CYB5RL: variants seen among roughly 807,000 people sequenced by gnomAD.
CYB5RL encodes cytochrome b5 reductase like, also known as NADH-cytochrome b5 reductase-like.
A neutral mutation model predicts 37.5 loss-of-function variants in CYB5RL; 38 were observed. The observed-to-expected ratio is 1.01, with a 90% confidence interval of 0.78 to 1.33. The LOEUF is 1.33. CYB5RL is among the 40% of genes most tolerant of loss of function. The pLI, the probability that CYB5RL is intolerant of heterozygous loss-of-function variation, is 0.00. For synonymous variants in CYB5RL, 141 were observed against 151.9 expected (o/e 0.93, Z 0.53); for missense variants, 388 against 394.4 (o/e 0.98, Z 0.14).
Position 54,173,542 on chromosome 1 carries a change from TCA to T in CYB5RL, c.*1075_*1076del, listed in dbSNP as rs554835202. Reference sequence around the variant, plus strand: ...GTTTCCCGTGTATACGATAAGTCTGTCACACTGTATGTTTCTTAGAGTCCTGA... The same window carrying T: ...GTTTCCCGTGTATACGATAAGTCTGTCACTGTATGTTTCTTAGAGTCCTGA... On this transcript the variant is annotated 3_prime_UTR_variant, in exon 8 of 8. Coordinates refer to ENST00000534324, the MANE Select transcript of CYB5RL (RefSeq NM_001031672.4). 132 of 152,386 alleles carry T rather than the reference TCA, an allele frequency of 8.7e-4. 2 individuals are homozygous for T. Among genetic ancestry groups the T allele is most frequent in the African/African-American group, 3.1e-3 (131 of 41,588 alleles). The allele number at this position is 152,386 out of a possible 1,614,324, so 9.4% of individuals were successfully genotyped here. A position where few individuals can be genotyped will look rare whatever the true frequency, so the allele number is the denominator to read the frequency against.
intron 1 of CYB5RL, 60 bp downstream of exon 1, chr1:54,199,916 C>T: frequency 3.0e-6 from 1 of 335,364 alleles, no homozygotes; most frequent in South Asian, 6.2e-5. Context: ...AAGCAGTCAA[C>T]CTTGTCTAAG....
chr1:54,195,567 T>C lies in CYB5RL; in HGVS notation c.50A>G (p.Gln17Arg), dbSNP rs1644000193. 6 of 1,613,550 alleles carry C rather than the reference T, an allele frequency of 3.7e-6. No individual in the cohort carries two copies. Among genetic ancestry groups the C allele is most frequent in the Non-Finnish European group, 1.7e-6 (2 of 1,179,656 alleles). The change falls in exon 3 of 8, where the codon CAG (glutamine) becomes CGG (arginine). Residue 17 changes from glutamine to arginine, a missense_variant. By Grantham distance (43) the Gln-to-Arg change is conservative. Coordinates refer to ENST00000534324, the MANE Select transcript of CYB5RL (RefSeq NM_001031672.4). ...EDDDTEEAWMQLRPTEPLPSQ... is the reference protein window; with the variant it reads ...EDDDTEEAWMRLRPTEPLPSQ... The stretch of plus-strand genomic sequence containing the variant: ...AGGCAAGGGTTCTGTGGGCCGTAGC[T>C]GCATCCAGGCTTCCTCAGTGTCGTC...
rs938912748 is a variant in CYB5RL at position 54,179,144 on chromosome 1, C to A, written c.744+5G>T. 1.2e-6 allele frequency: 2 copies of A among 1,610,858 alleles called. No individual in the cohort carries two copies. Among genetic ancestry groups the A allele is most frequent in the African/African-American group, 2.7e-5 (2 of 74,890 alleles). On this transcript the variant is annotated splice_donor_5th_base_variant and intron_variant, in intron 7 of 7. Coordinates refer to ENST00000534324, the MANE Select transcript of CYB5RL (RefSeq NM_001031672.4). ...CAAAAAAGAAAGTCACCACCCTGGGCTCACCTGGCTGAGTACAAAGAAGGT... is the reference window on the plus strand; with the variant it reads ...CAAAAAAGAAAGTCACCACCCTGGGATCACCTGGCTGAGTACAAAGAAGGT...
At chr1:54,193,638 C>A (rs920513294) in intron 3 of CYB5RL, among the ~76,000 whole-genome samples, 5 of 152,046 alleles carry the variant, frequency 3.3e-5, no homozygotes, top group African/African-American at 1.2e-4. Context: ...AGTTTGAGCC[C>A]AGCCTGGGCA....
rs976253788 is a variant in CYB5RL at position 54,190,756 on chromosome 1, G to A, written c.339C>T (p.Leu113=). 6 of 1,553,304 alleles carry A rather than the reference G, an allele frequency of 3.9e-6. No homozygotes were observed. The African/African-American group carries it at 8.2e-5, about 21-fold the overall frequency. Residue 113 remains leucine, a synonymous_variant, in exon 4 of 8, where the codon CTC becomes CTT. Coordinates refer to ENST00000534324, the MANE Select transcript of CYB5RL (RefSeq NM_001031672.4). ...CCGCTACCTGAGTGTACCGTAGGAT[G>A]AGGTGCTGGCCGGGCCGCAGGCCAA... ...SQLGLRPGQH[L]ILRGIVDDLE... is the part of the protein sequence containing the mutation.
At chr1:54,186,917 A>G (rs1643905507) in intron 5 of CYB5RL, among the ~76,000 whole-genome samples, 1 of 152,126 alleles carries the variant, frequency 6.6e-6, no homozygotes, top group African/African-American at 2.4e-5. Flanking sequence ...GTCATGTCTT[A>G]TAACATAGAT....
intron 6 of CYB5RL, among the ~76,000 whole-genome samples, chr1:54,183,331 A>G (rs1344357795): frequency 6.6e-6 from 1 of 152,230 alleles, no homozygotes; most frequent in African/African-American, 2.4e-5. Context: ...GATTCATTCT[A>G]TAGGACGGAC....
intron 6 of CYB5RL, 62 bp downstream of exon 6, chr1:54,184,099 G>A (rs1382800514): frequency 6.9e-7 from 1 of 1,451,704 alleles, no homozygotes; most frequent in Non-Finnish European, 9.5e-7. Context: ...GATGCTATGG[G>A]CCGAAACATG....
At chr1:54,179,000 C>CT (rs1363909754) in intron 7 of CYB5RL, 149 bp downstream of exon 7, 1 of 875,136 alleles carries the variant, frequency 1.1e-6, no homozygotes, top group African/African-American at 1.7e-5. Context: ...ATGAGAACAC[C>CT]TGCCTTCCAT....
At position 54,179,213 on chromosome 1, in the gene CYB5RL, A is replaced by G. The variant is rs1660095107; in HGVS notation, c.680T>C (p.Leu227Pro). The G allele has an allele frequency of 6.2e-7, 1 of 1,613,652 alleles. No homozygotes were observed. Among genetic ancestry groups the G allele is most frequent in the Admixed American group, 1.7e-5 (1 of 59,972 alleles). Reference protein sequence around the residue: ...GCFKTFESIYLKTFLQEQARF... With the variant: ...GCFKTFESIYPKTFLQEQARF... ...GGCCTGCTCTTGGAGGAAGGTTTTCAGGTAGATGCTCTCAAAGGTCTTGAA... is the reference window on the plus strand; with the variant it reads ...GGCCTGCTCTTGGAGGAAGGTTTTCGGGTAGATGCTCTCAAAGGTCTTGAA... Residue 227 changes from leucine (L) to proline (P), a missense_variant, in exon 7 of 8, where the codon CTG becomes CCG. Leu to Pro is a moderately conservative substitution (Grantham distance 98). Coordinates refer to ENST00000534324, the MANE Select transcript of CYB5RL (RefSeq NM_001031672.4).
intron 1 of CYB5RL, among the ~76,000 whole-genome samples, chr1:54,198,119 C>G (rs1644030144): frequency 6.6e-6 from 1 of 151,180 alleles, no homozygotes; most frequent in African/African-American, 2.4e-5. Context: ...GGAAGGTTCC[C>G]TATGACTGCT....
chr1:54,195,768 T>A, intron 2 of CYB5RL, 53 bp from the exon 3 acceptor site: 2 of 830,652 alleles, frequency 2.4e-6, no homozygotes, highest in Non-Finnish European at 3.5e-6. Context: ...ATTCCTCACA[T>A]TCTCCAAAGC....
intron 7 of CYB5RL, among the ~76,000 whole-genome samples, chr1:54,175,386 C>T (rs1398639474): frequency 1.3e-5 from 2 of 152,206 alleles, no homozygotes; most frequent in East Asian, 3.9e-4. Context: ...GGTCACAATG[C>T]CTTCACTGAG....
In CYB5RL at chr1:54,179,422, AC is replaced by A; in HGVS notation, c.541-71del. 3 of 1,502,186 alleles carry A rather than the reference AC, an allele frequency of 2.0e-6. No individual in the cohort carries two copies. The East Asian group carries it at 7.2e-5, about 36-fold the overall frequency. 93.1% of individuals were successfully genotyped at this position (1,502,186 alleles called of 1,614,324 possible). A position where few individuals can be genotyped will look rare whatever the true frequency, so the allele number is the denominator to read the frequency against. On this transcript the variant is annotated intron_variant, in intron 6 of 7. Transcript: ENST00000534324. ...CTCACCTTATCCCCTCTACTATGGG[AC>A]TTTTCCTTGAGCTTCCTTCAACTGG... is the stretch of plus-strand genomic sequence containing the variant.
intron 1 of CYB5RL, among the ~76,000 whole-genome samples, chr1:54,197,885 G>A (rs778387916): frequency 2.0e-5 from 3 of 151,766 alleles, no homozygotes; most frequent in Admixed American, 6.6e-5. Context: ...AAAATTAGCC[G>A]GGCATGGTGG....
At chr1:54,190,147 G>A (rs900871436) in intron 4 of CYB5RL, among the ~76,000 whole-genome samples, 2 of 152,176 alleles carry the variant, frequency 1.3e-5, no homozygotes, top group African/African-American at 4.8e-5. Context: ...GCAGGCAGGG[G>A]TGGGGACTGG....
chr1:54,198,027 C>CAAAAAAAAAAAAAAA (rs575486117), intron 1 of CYB5RL, among the ~76,000 whole-genome samples: 17 of 78,524 alleles, frequency 2.2e-4, no homozygotes, highest in Admixed American at 7.3e-4. Flanking sequence ...GACTCTGTCT[C>CAAAAAAAAAAAAAAA]AAAAAAAAAA....
At position 54,196,657 on chromosome 1, in the gene CYB5RL, C is replaced by G. The variant is rs554288848; in HGVS notation, c.-222-166G>C. On this transcript the variant is annotated intron_variant, in intron 1 of 7. Coordinates refer to ENST00000534324, the MANE Select transcript of CYB5RL (RefSeq NM_001031672.4). ...TGTCCCTTCCTGATAACTGCACTTCCCCAGGTGATAATTATTTCCTTTTTC... is the reference window on the plus strand; with the variant it reads ...TGTCCCTTCCTGATAACTGCACTTCGCCAGGTGATAATTATTTCCTTTTTC... 1.5e-4 allele frequency among the ~76,000 whole-genome samples: 23 copies of G among 152,302 alleles called. 1 individual carries two copies. Among genetic ancestry groups the G allele is most frequent in the Admixed American group, 1.5e-3 (23 of 15,294 alleles).
Position 54,171,363 on chromosome 1 carries a change from C to A in CYB5RL, c.*3256G>T. Reference sequence around the variant, plus strand: ...GCCCTACCCCAAGGCCACAGGGAGACAGGGAAGGATTTCAAGCAGGGGAGT... The same window carrying A: ...GCCCTACCCCAAGGCCACAGGGAGAAAGGGAAGGATTTCAAGCAGGGGAGT... On this transcript the variant is annotated 3_prime_UTR_variant, in exon 8 of 8. Coordinates refer to ENST00000534324, the MANE Select transcript of CYB5RL (RefSeq NM_001031672.4). The A allele has an allele frequency of 2.2e-6, 1 of 456,266 alleles. No homozygotes were observed. The allele number at this position is 456,266 out of a possible 1,614,324, so 28.3% of individuals were successfully genotyped here. A position where few individuals can be genotyped will look rare whatever the true frequency, so the allele number is the denominator to read the frequency against.
Sources: gnomAD v4.1 joint callset for allele counts (sites outside exome capture counted in the v4.1 genomes callset) on GRCh38, gnomAD v4.1.1 for gene constraint, MANE v1.5 for transcripts, NCBI Gene and HGNC (gene_info 2026-07-23, HGNC 2026-07-21) for gene names.